The following ZNF385D variants were observed in gnomAD, a reference collection of about 807,000 sequenced individuals.
ZNF385D encodes the protein zinc finger protein 659.
Under a neutral mutation model 35.8 loss-of-function variants are expected in ZNF385D, and 15 were observed. The observed-to-expected ratio is 0.42, with a 90% CI of 0.28 to 0.64. The LOEUF is 0.64. ZNF385D is among the 30% of genes least tolerant of loss of function. The pLI is 0.23. For missense variants in ZNF385D, 474 were observed against 494.6 expected (o/e 0.96, Z 0.39); for synonymous variants, 212 against 186.8 (o/e 1.13, Z -1.10).
chr3:21,431,536 T>G (rs535107612), intron 5 of ZNF385D, among the ~76,000 whole-genome samples: 1 of 152,206 alleles, frequency 6.6e-6, no homozygotes, highest in South Asian at 2.1e-4. Context: ...AACAGAGAAA[T>G]GGTACTGGCA....
chr3:21,808,898 G>A lies in ZNF385D; in HGVS notation c.326-143870C>T, dbSNP rs1381351669. ...CACCAAAGTAGGACAGATTAAAATA[G>A]TACCACAAAGACTTTGAAAACTAAA... On this transcript the variant is annotated intron_variant, in intron 3 of 5. Coordinates refer to the ZNF385D transcript ENST00000494108. Among the ~76,000 whole-genome samples, 4 of 152,250 alleles carry A rather than the reference G, an allele frequency of 2.6e-5. No homozygotes were observed. The South Asian group carries it at 8.3e-4, about 32-fold the overall frequency.
chr3:21,704,905 A>G (rs1200847348), intron 1 of ZNF385D, among the ~76,000 whole-genome samples: 1 of 152,196 alleles, frequency 6.6e-6, no homozygotes, highest in Non-Finnish European at 1.5e-5. Flanking sequence ...TAACCCTAGC[A>G]TCCCTCTGCA....
chr3:21,706,561 G>A (rs12495818), intron 1 of ZNF385D, among the ~76,000 whole-genome samples: 1 of 152,146 alleles, frequency 6.6e-6, no homozygotes, highest in Admixed American at 6.5e-5. Context: ...CTGGGGCTTA[G>A]GAAACATGTT....
chr3:22,199,139 A>G (rs1440370251), intron 2 of ZNF385D, among the ~76,000 whole-genome samples: 2 of 151,806 alleles, frequency 1.3e-5, no homozygotes, highest in East Asian at 1.9e-4. Context: ...AAACACACAA[A>G]AAACATAATC....
chr3:22,246,064 A>G (rs1699761396), intron 2 of ZNF385D, among the ~76,000 whole-genome samples: 1 of 152,144 alleles, frequency 6.6e-6, no homozygotes, highest in Non-Finnish European at 1.5e-5. Flanking sequence ...AAACTTGAAC[A>G]TCATAACAGA....
intron 2 of ZNF385D, among the ~76,000 whole-genome samples, chr3:22,353,583 T>TCC (rs1271498526): frequency 6.6e-6 from 1 of 152,076 alleles, no homozygotes; most frequent in African/African-American, 2.4e-5. Context: ...TGTAGCACTA[T>TCC]CCCCCCTTCC....
chr3:21,868,949 T>TAC lies in ZNF385D; in HGVS notation c.326-203923_326-203922dup, dbSNP rs536656815. Among the ~76,000 whole-genome samples the TAC allele has an allele frequency of 9.2e-5, 14 of 152,194 alleles. No individual in the cohort carries two copies. The South Asian group carries it at 2.7e-3, about 29-fold the overall frequency. ...TGAAATTTTATGCTCTCTCATATTCTACAGATTGCCTAAAACACAGAACAT... is the reference window on the plus strand; with the variant it reads ...TGAAATTTTATGCTCTCTCATATTCTACACAGATTGCCTAAAACACAGAACAT... On this transcript the variant is annotated intron_variant, in intron 3 of 5. Transcript: ENST00000494108.
At chr3:22,112,634 A>G (rs1010986416) in intron 3 of ZNF385D, among the ~76,000 whole-genome samples, 5 of 152,142 alleles carry the variant, frequency 3.3e-5, no homozygotes, top group African/African-American at 1.2e-4. Flanking sequence ...AATTCTTTAT[A>G]GATAAATAAG....
intron 3 of ZNF385D, among the ~76,000 whole-genome samples, chr3:21,879,151 A>T (rs1218476421): frequency 6.6e-6 from 1 of 152,080 alleles, no homozygotes; most frequent in Non-Finnish European, 1.5e-5. Flanking sequence ...AATGATATGA[A>T]AATTTACCTC....
At chr3:22,153,205 G>T (rs866511228) in intron 3 of ZNF385D, among the ~76,000 whole-genome samples, 1 of 152,078 alleles carries the variant, frequency 6.6e-6, no homozygotes, top group Non-Finnish European at 1.5e-5. Context: ...AACAGAGAAT[G>T]AGCAACCTCC....
chr3:22,021,123 G>A (rs1196296158), intron 3 of ZNF385D, among the ~76,000 whole-genome samples: 2 of 151,716 alleles, frequency 1.3e-5, no homozygotes, highest in African/African-American at 2.4e-5. Flanking sequence ...AGGGGGATGG[G>A]GTTAGATGAG....
intron 1 of ZNF385D, among the ~76,000 whole-genome samples, chr3:21,747,224 T>G (rs2125543526): frequency 6.6e-6 from 1 of 152,318 alleles, no homozygotes; most frequent in South Asian, 2.1e-4. Flanking sequence ...TTTCTAAATT[T>G]TGCCTGCCCT....
chr3:22,169,502 A>G (rs188160488), intron 2 of ZNF385D, among the ~76,000 whole-genome samples: 17 of 152,330 alleles, frequency 1.1e-4, no homozygotes, highest in African/African-American at 4.1e-4. Context: ...TCAACTAAAT[A>G]AAGTTCTTAT....
chr3:22,227,922 C>T (rs1376726342), intron 2 of ZNF385D, among the ~76,000 whole-genome samples: 1 of 152,198 alleles, frequency 6.6e-6, no homozygotes, highest in Non-Finnish European at 1.5e-5. Flanking sequence ...TCTGCTGGTG[C>T]TGTACACTGC....
chr3:22,127,538 C>T (rs6796452), intron 3 of ZNF385D, among the ~76,000 whole-genome samples: 30,927 of 151,422 alleles, frequency 0.2, 3,457 homozygotes, highest in East Asian at 0.41. Context: ...TGGGGTTTCA[C>T]CATGTTGTCC....
intron 2 of ZNF385D, among the ~76,000 whole-genome samples, chr3:22,202,443 TAAC>T (rs1696860802): frequency 6.6e-6 from 1 of 151,666 alleles, no homozygotes; most frequent in Non-Finnish European, 1.5e-5. Context: ...GGGAGGTGAG[TAAC>T]AACAGGGTGG....
intron 3 of ZNF385D, 65 bp downstream of exon 3, chr3:21,564,509 C>T (rs375092892): frequency 1.0e-6 from 1 of 992,038 alleles, no homozygotes. Context: ...AATCTTTTCT[C>T]CTGCAAGATT....
At chr3:22,073,548 T>C (rs983708296) in intron 3 of ZNF385D, among the ~76,000 whole-genome samples, 4 of 152,084 alleles carry the variant, frequency 2.6e-5, no homozygotes, top group Non-Finnish European at 5.9e-5. Flanking sequence ...GTAAAAATTA[T>C]TGGCAAGGAA....
At chr3:22,109,978 G>A (rs149061992) in intron 3 of ZNF385D, among the ~76,000 whole-genome samples, 4,759 of 152,136 alleles carry the variant, frequency 0.031, 175 homozygotes, top group East Asian at 0.18. Flanking sequence ...GTGGGCGAAG[G>A]ATATGAACAG....
Sources: allele counts gnomAD v4.1 joint callset (sites outside exome capture counted in the v4.1 genomes callset), GRCh38; gene constraint gnomAD v4.1.1; transcripts MANE v1.5; gene names NCBI Gene and HGNC (gene_info 2026-07-23, HGNC 2026-07-21).